Variants in PPP3CC observed in about 807,000 individuals in gnomAD.
PPP3CC encodes the protein serine/threonine-protein phosphatase 2B catalytic subunit gamma isoform.
A neutral mutation model predicts 60.3 loss-of-function variants in PPP3CC; 35 were observed. That is an observed-to-expected ratio of 0.58 (90% CI 0.44 to 0.77). The LOEUF (loss-of-function observed/expected upper bound fraction) is 0.77, where lower values mean the gene tolerates loss of function less well. PPP3CC is among the 30% of genes least tolerant of loss of function. The probability of loss-of-function intolerance (pLI) is 0.00; values close to 1 mark genes in which losing one functional copy is unlikely to be tolerated. For synonymous variants in PPP3CC, 206 were observed against 224.3 expected, an observed-to-expected ratio of 0.92 and a Z score of 0.73; for missense variants, 570 against 628.9, an observed-to-expected ratio of 0.91 and a Z score of 1.00.
intron 5 of PPP3CC, among the ~76,000 whole-genome samples, chr8:22,511,983 G>A (rs1586849699): frequency 6.6e-6 from 1 of 152,068 alleles, no homozygotes; most frequent in South Asian, 2.1e-4. Context: ...AGATGATAAC[G>A]GTTTCATTGT....
At chr8:22,527,227 A>G (rs1166854950) in intron 8 of PPP3CC, among the ~76,000 whole-genome samples, 165 bp from the exon 9 acceptor site, 1 of 152,218 alleles carries the variant, frequency 6.6e-6, no homozygotes, top group Non-Finnish European at 1.5e-5. Flanking sequence ...AATGAACTGA[A>G]TAAAAGGCTT....
chr8:22,477,626 T>C (rs1837933080), intron 3 of PPP3CC, among the ~76,000 whole-genome samples: 1 of 152,156 alleles, frequency 6.6e-6, no homozygotes, highest in Non-Finnish European at 1.5e-5. Flanking sequence ...TTAGGCATTT[T>C]ATTTTATTTT....
chr8:22,475,695 A>G, intron 3 of PPP3CC, 71 bp downstream of exon 3: 2 of 1,399,268 alleles, frequency 1.4e-6, no homozygotes, highest in Non-Finnish European at 1.9e-6. Flanking sequence ...ATTCTTCAGT[A>G]GAAGAAATTA....
At chr8:22,454,584 C>T (rs1024958852) in intron 1 of PPP3CC, among the ~76,000 whole-genome samples, 5 of 152,204 alleles carry the variant, frequency 3.3e-5, no homozygotes, top group South Asian at 2.1e-4. Context: ...TTGTTTACAC[C>T]GGCAGTACCA....
At chr8:22,499,469 A>G (rs557638547) in intron 4 of PPP3CC, among the ~76,000 whole-genome samples, 61 of 152,080 alleles carry the variant, frequency 4.0e-4, no homozygotes, top group African/African-American at 1.3e-3. Flanking sequence ...AAAAAAAAAG[A>G]AAGTCAAAAC....
Position 22,511,113 on chromosome 8 carries a change from A to G in PPP3CC, c.512A>G (p.Tyr171Cys), listed in dbSNP as rs1196783532. 1.2e-6 allele frequency: 2 copies of G among 1,614,086 alleles called. No individual in the cohort carries two copies. The highest frequency in any genetic ancestry group is 1.7e-5 in the Admixed American group (1 of 60,010). ...ECRIKYSEQVYDACMETFDCL... is the reference protein window; with the variant it reads ...ECRIKYSEQVCDACMETFDCL... ...CGAATCAAATATTCGGAACAGGTGTATGATGCCTGTATGGAGACATTTGAC... is the reference window on the plus strand; with the variant it reads ...CGAATCAAATATTCGGAACAGGTGTGTGATGCCTGTATGGAGACATTTGAC... Residue 171 changes from tyrosine to cysteine, a missense_variant, in exon 5 of 14, where the codon TAT becomes TGT. Transcript: ENST00000240139.
At chr8:22,506,618 C>T (rs1243903932) in intron 4 of PPP3CC, among the ~76,000 whole-genome samples, 2 of 152,052 alleles carry the variant, frequency 1.3e-5, no homozygotes, top group African/African-American at 2.4e-5. Context: ...GCAGGAGGCA[C>T]ATTATACCCT....
chr8:22,504,868 T>C (rs1385788566), intron 4 of PPP3CC, among the ~76,000 whole-genome samples: 1 of 150,602 alleles, frequency 6.6e-6, no homozygotes, highest in Non-Finnish European at 1.5e-5. Context: ...GCACGAGCTC[T>C]CATGCCCAGC....
intron 6 of PPP3CC, among the ~76,000 whole-genome samples, chr8:22,515,624 A>G (rs1166538120): frequency 6.6e-6 from 1 of 152,216 alleles, no homozygotes; most frequent in Non-Finnish European, 1.5e-5. Context: ...CATCCTCACC[A>G]GCATTTGTCA....
intron 3 of PPP3CC, among the ~76,000 whole-genome samples, chr8:22,494,271 A>G (rs976870176): frequency 1.3e-5 from 2 of 152,168 alleles, no homozygotes; most frequent in Non-Finnish European, 2.9e-5. Context: ...GGCAAAAGGT[A>G]CTTCTTACAT....
intron 1 of PPP3CC, among the ~76,000 whole-genome samples, chr8:22,473,533 G>A (rs1231473735): frequency 6.7e-6 from 1 of 149,936 alleles, no homozygotes. Flanking sequence ...TCACAATCTC[G>A]GCTCACTGCA....
chr8:22,491,485 A>T (rs1369062326), intron 3 of PPP3CC, among the ~76,000 whole-genome samples: 1 of 152,158 alleles, frequency 6.6e-6, no homozygotes, highest in Non-Finnish European at 1.5e-5. Flanking sequence ...CACTCTTAGG[A>T]GTTTCTTATG....
chr8:22,491,077 C>T (rs943039553), intron 3 of PPP3CC, among the ~76,000 whole-genome samples: 6 of 152,094 alleles, frequency 3.9e-5, no homozygotes, highest in Admixed American at 2.6e-4. Flanking sequence ...CTTTAGTTTT[C>T]TCTTTTGCTT....
At chr8:22,525,543 CCTCTCTCTCTCTCTCTTTCTTT>C (rs1839533999) in intron 8 of PPP3CC, among the ~76,000 whole-genome samples, 1 of 35,000 alleles carries the variant, frequency 2.9e-5, no homozygotes, top group African/African-American at 1.1e-4. Flanking sequence ...TCTTTCTCTC[CCTCTCTCTCTCTCTCTTTCTTT>C]CTCTCTCTCT....
rs985715202 is a variant in PPP3CC, at chr8:22,442,545, A to C, written c.49+1087A>C. Among the ~76,000 whole-genome samples the C allele has an allele frequency of 5.3e-5, 8 of 152,312 alleles. 1 individual carries two copies. The highest frequency in any genetic ancestry group is 5.2e-4 in the Admixed American group (8 of 15,290). On this transcript the variant is annotated intron_variant, in intron 1 of 13. Transcript: ENST00000240139. The stretch of plus-strand genomic sequence containing the variant: ...CCTCTCTCCCCAAATCAGCCTCATA[A>C]ATGTTAATTATCTGTACTACATAAT...
rs112436375 is a variant in PPP3CC at position 22,446,018 on chromosome 8, T to A, written c.49+4560T>A. Among the ~76,000 whole-genome samples, 6 of 152,354 alleles carry A rather than the reference T, an allele frequency of 3.9e-5. 1 individual carries two copies. Among genetic ancestry groups the A allele is most frequent in the African/African-American group, 1.4e-4 (6 of 41,594 alleles). On this transcript the variant is annotated intron_variant, in intron 1 of 13. Coordinates refer to ENST00000240139, the MANE Select transcript of PPP3CC (RefSeq NM_005605.5). ...TTATTGGTTGTGATCAAAGCTTTAT[T>A]TATGGTCTGACATTTGATAATTAAG...
intron 6 of PPP3CC, among the ~76,000 whole-genome samples, chr8:22,520,745 T>C (rs992856653): frequency 6.6e-6 from 1 of 152,240 alleles, no homozygotes; most frequent in Non-Finnish European, 1.5e-5. Context: ...TGTAGTTCAT[T>C]GAGCTTCTTT....
At chr8:22,489,751 A>G (rs1287391875) in intron 3 of PPP3CC, among the ~76,000 whole-genome samples, 1 of 142,914 alleles carries the variant, frequency 7.0e-6, no homozygotes, top group Non-Finnish European at 1.5e-5. Flanking sequence ...AGTATATATT[A>G]TATATAAGTA....
chr8:22,457,023 CCCTT>C (rs1257752380), intron 1 of PPP3CC, among the ~76,000 whole-genome samples: 1 of 89,842 alleles, frequency 1.1e-5, no homozygotes, highest in African/African-American at 4.9e-5. Context: ...CTCCCTTCCT[CCCTT>C]CCTCCCTTCC....
Sources: allele counts gnomAD v4.1 joint callset (sites outside exome capture counted in the v4.1 genomes callset), GRCh38; gene constraint gnomAD v4.1.1; transcripts MANE v1.5; gene names NCBI Gene and HGNC (gene_info 2026-07-23, HGNC 2026-07-21).